Variants in SMARCB1 observed in about 807,000 individuals in gnomAD.
SMARCB1 encodes the protein SWI/SNF related BAF chromatin remodeling complex subunit B1, also known as SWI/SNF-related matrix-associated actin-dependent regulator of chromatin subfamily B member 1.
In SMARCB1, 5 loss-of-function variants were observed where a neutral mutation model predicts 49.0. The ratio of observed to expected loss-of-function variants is 0.10; its 90% CI spans 0.05 to 0.21. The LOEUF (loss-of-function observed/expected upper bound fraction) is 0.21. SMARCB1 is among the 10% of genes least tolerant of loss of function. The probability of loss-of-function intolerance (pLI) is 1.00; values close to 1 mark genes in which losing one functional copy is unlikely to be tolerated. For missense variants in SMARCB1, 226 were observed against 509.2 expected (o/e 0.44, Z 5.35); for synonymous variants, 201 against 200.1 (o/e 1.00, Z -0.04).
In SMARCB1 at chr22:23,834,262, C is replaced by A. The variant is rs878854600; in HGVS notation, c.*82C>A. 1 of 1,440,874 alleles carries A rather than the reference C, an allele frequency of 6.9e-7. No homozygotes were observed. The highest frequency in any genetic ancestry group is 9.5e-7 in the Non-Finnish European group (1 of 1,050,346). The allele number at this position is 1,440,874 out of a possible 1,614,324, so 89.3% of individuals were successfully genotyped here. On this transcript the variant is annotated 3_prime_UTR_variant, in exon 9 of 9. Transcript: ENST00000644036. ...CTCCATCTTCTGGCAAGGACAGAGG[C>A]GAGGGGACAGCCCAGCGCCATCCTG...
At chr22:23,788,464 G>C (rs530941160) in intron 1 of SMARCB1, among the ~76,000 whole-genome samples, 4 of 152,134 alleles carry the variant, frequency 2.6e-5, no homozygotes, top group African/African-American at 9.6e-5. Flanking sequence ...TTTGTGCAGT[G>C]GTGTGATCTC....
At chr22:23,810,398 C>T (rs1440527401) in intron 5 of SMARCB1, among the ~76,000 whole-genome samples, 3 of 151,130 alleles carry the variant, frequency 2.0e-5, no homozygotes, top group African/African-American at 4.9e-5. Context: ...CATGGTGGCG[C>T]ACGCCTGTAG....
chr22:23,805,744 A>T (rs1301076231), intron 5 of SMARCB1, among the ~76,000 whole-genome samples: 2 of 152,198 alleles, frequency 1.3e-5, no homozygotes, highest in Non-Finnish European at 2.9e-5. Flanking sequence ...ACCTCAGGTG[A>T]TCCGCCCGCC....
intron 5 of SMARCB1, chr22:23,816,320 T>C: frequency 4.1e-6 from 1 of 244,498 alleles, no homozygotes; most frequent in Non-Finnish European, 8.1e-6. Flanking sequence ...TGGAAATCGC[T>C]GTGGCTTGGC....
At chr22:23,833,208 A>G (rs1019271515) in intron 7 of SMARCB1, among the ~76,000 whole-genome samples, 3 of 152,094 alleles carry the variant, frequency 2.0e-5, no homozygotes, top group Admixed American at 1.3e-4. Flanking sequence ...TCCTGCCCCT[A>G]TAGGTTCCAC....
chr22:23,826,790 T>A lies in SMARCB1; in HGVS notation c.986+1375T>A, dbSNP rs1308783278. Among the ~76,000 whole-genome samples the A allele has an allele frequency of 1.4e-4, 21 of 152,318 alleles. No homozygotes were observed. In the East Asian group the frequency reaches 3.3e-3, roughly 24 times the overall value. On this transcript the variant is annotated intron_variant, in intron 7 of 8. Transcript: ENST00000644036. Reference sequence around the variant, plus strand: ...ATAAATCTGAGCAAGGAAGAAGGAATGAGAGCCACCCACGGGGCTCAAGGG... The same window carrying A: ...ATAAATCTGAGCAAGGAAGAAGGAAAGAGAGCCACCCACGGGGCTCAAGGG...
At chr22:23,825,872 C>T (rs2030356989) in intron 7 of SMARCB1, 1 of 173,896 alleles carries the variant, frequency 5.8e-6, no homozygotes, top group Non-Finnish European at 1.3e-5. Context: ...CCTAGCAGCT[C>T]CTTCTTACTC....
intron 3 of SMARCB1, among the ~76,000 whole-genome samples, chr22:23,799,727 C>T (rs1177780607): frequency 9.0e-5 from 12 of 133,710 alleles, no homozygotes; most frequent in Non-Finnish European, 1.5e-4. Context: ...CTCTGTCTCC[C>T]ACTCTGGAGT....
rs1220062951 is a variant in SMARCB1, at chr22:23,787,223, G to A, written c.54G>A (p.Gln18=). ...KTFGQKPVKF[Q]LEDDGEFYMI... ...TCGGGCAGAAGCCCGTGAAGTTCCA[G>A]CTGGAGGACGACGGCGAGTTCTACA... Residue 18 remains glutamine (Q), a synonymous_variant, in exon 1 of 9, where the codon CAG becomes CAA. Transcript: ENST00000644036. 6.2e-7 allele frequency: 1 copy of A among 1,608,970 alleles called. No homozygotes were observed. The highest frequency in any genetic ancestry group is 2.2e-5 in the East Asian group (1 of 44,572).
At chr22:23,820,120 G>A (rs986888366) in intron 6 of SMARCB1, among the ~76,000 whole-genome samples, 3 of 152,194 alleles carry the variant, frequency 2.0e-5, no homozygotes, top group East Asian at 1.9e-4. Context: ...CACTGTGCCC[G>A]GCCAGTTTGC....
Position 23,787,444 on chromosome 22 carries a change from C to T in SMARCB1, c.93+182C>T, listed in dbSNP as rs1477452462. On this transcript the variant is annotated intron_variant, in intron 1 of 8. Transcript: ENST00000644036. ...GTGTGGCCCCCGCCCCCTCATCGAC[C>T]TGGGATTTCCTTACTTATTTCGCCG... Among the ~76,000 whole-genome samples the T allele has an allele frequency of 2.6e-5, 4 of 152,034 alleles. No homozygotes were observed. The South Asian group carries it at 6.2e-4, about 24-fold the overall frequency.
intron 6 of SMARCB1, among the ~76,000 whole-genome samples, chr22:23,819,990 C>T (rs949598468): frequency 1.3e-4 from 20 of 151,940 alleles, no homozygotes; most frequent in Non-Finnish European, 2.5e-4. Context: ...CCACCACGCC[C>T]GGCTAAATTT....
rs1689930061 is a variant in SMARCB1, at chr22:23,825,386, G to A, written c.957G>A (p.Leu319=). The A allele has an allele frequency of 6.2e-6, 10 of 1,614,046 alleles. No homozygotes were observed. The South Asian group carries it at 9.9e-5, about 16-fold the overall frequency. ...TTIAYSIRGQ[L]SWHQKTYAFS... ...TCGCATACAGCATCCGGGGACAGCT[G>A]AGCTGGCATCAGAAGACCTACGCCT... is the stretch of plus-strand genomic sequence containing the variant. Residue 319 remains leucine (L), a synonymous_variant, in exon 7 of 9, where the codon CTG becomes CTA. Coordinates refer to ENST00000644036, the MANE Select transcript of SMARCB1 (RefSeq NM_003073.5).
Position 23,837,614 on chromosome 22 carries a change from G to A in SMARCB1, c.*3434G>A, listed in dbSNP as rs752508926. 2.5e-5 allele frequency: 39 copies of A among 1,586,086 alleles called. No homozygotes were observed. Among genetic ancestry groups the A allele is most frequent in the Admixed American group, 1.0e-4 (6 of 58,638 alleles). ...CAGGGCATAAGCAGCGTGTCCTGAG[G>A]GGAGTGGCCAGCCTGGGGCGGACTA... is the stretch of plus-strand genomic sequence containing the variant. On this transcript the variant is annotated 3_prime_UTR_variant, in exon 9 of 9. Coordinates refer to ENST00000644036, the MANE Select transcript of SMARCB1 (RefSeq NM_003073.5).
At chr22:23,813,275 C>A (rs1412531045) in intron 5 of SMARCB1, among the ~76,000 whole-genome samples, 1 of 152,190 alleles carries the variant, frequency 6.6e-6, no homozygotes, top group African/African-American at 2.4e-5. Context: ...GTTGGAAGTT[C>A]TAGCTAATCC....
chr22:23,830,106 T>C (rs1268663464), intron 7 of SMARCB1, among the ~76,000 whole-genome samples: 1 of 152,242 alleles, frequency 6.6e-6, no homozygotes, highest in Non-Finnish European at 1.5e-5. Flanking sequence ...TGAGTACTGC[T>C]GCTGAGAACA....
At chr22:23,831,848 C>T (rs1017596522) in intron 7 of SMARCB1, among the ~76,000 whole-genome samples, 15 of 152,184 alleles carry the variant, frequency 9.9e-5, no homozygotes, top group African/African-American at 3.6e-4. Context: ...CTAAACCACC[C>T]GGTGCTGGCC....
At chr22:23,826,265 A>AG in intron 7 of SMARCB1, 1 of 151,700 alleles carries the variant, frequency 6.6e-6, no homozygotes, top group East Asian at 1.9e-4. Flanking sequence ...AAAAAAAAAA[A>AG]ATAGAAAAAA....
Position 23,837,003 on chromosome 22 carries a change from TCC to T in SMARCB1, c.*2826_*2827del, listed in dbSNP as rs750541274. ...CGTGTTGAGCACAGGCCAGCACAGGTCCCCATCGGTGGGGATCCTTCTGAGGG... is the reference window on the plus strand; with the variant it reads ...CGTGTTGAGCACAGGCCAGCACAGGTCCATCGGTGGGGATCCTTCTGAGGG... On this transcript the variant is annotated 3_prime_UTR_variant, in exon 9 of 9. Transcript: ENST00000644036. 1 of 1,562,168 alleles carries T rather than the reference TCC, an allele frequency of 6.4e-7. No individual in the cohort carries two copies.
Sources: allele counts gnomAD v4.1 joint callset (sites outside exome capture counted in the v4.1 genomes callset), GRCh38; gene constraint gnomAD v4.1.1; transcripts MANE v1.5; gene names NCBI Gene and HGNC (gene_info 2026-07-23, HGNC 2026-07-21).